The following RCAN1 variants were observed in gnomAD, a reference collection of about 807,000 sequenced individuals.
The protein encoded by RCAN1 is calcipressin-1.
RCAN1 carries 11 observed loss-of-function variants against 22.9 expected under a neutral mutation model. The observed-to-expected ratio is 0.48, with a 90% CI of 0.30 to 0.79. The LOEUF is 0.79. Among genes scored for constraint, RCAN1 ranks in the 30% least tolerant of loss-of-function variants. The pLI, the probability that RCAN1 is intolerant of heterozygous loss-of-function variation, is 0.06. For missense variants in RCAN1, 291 were observed against 337.8 expected (o/e 0.86, Z 1.09); for synonymous variants, 136 against 142.3 (o/e 0.96, Z 0.32).
At chr21:34,561,624 T>C (rs969005241) in intron 1 of RCAN1, among the ~76,000 whole-genome samples, 2 of 152,216 alleles carry the variant, frequency 1.3e-5, no homozygotes, top group African/African-American at 4.8e-5. Context: ...CTGCAAGAAC[T>C]AGCACTTTCT....
intron 1 of RCAN1, among the ~76,000 whole-genome samples, chr21:34,605,919 CAG>C (rs564933926): frequency 0.54 from 72,866 of 135,408 alleles, 20,147 homozygotes; most frequent in Admixed American, 0.61. Flanking sequence ...GACTCGGTCT[CAG>C]AAAAAAAAAA....
At chr21:34,525,360 G>A in intron 1 of RCAN1, 1 of 1,480,408 alleles carries the variant, frequency 6.8e-7, no homozygotes, top group African/African-American at 1.4e-5. Flanking sequence ...TCCCACGAGG[G>A]ATCCCGCAGA....
At chr21:34,601,968 A>T (rs1988368940) in intron 1 of RCAN1, among the ~76,000 whole-genome samples, 1 of 152,170 alleles carries the variant, frequency 6.6e-6, no homozygotes, top group South Asian at 2.1e-4. Flanking sequence ...CAGCAACAAA[A>T]CCTGCACCTA....
chr21:34,577,904 G>C (rs776728328), intron 1 of RCAN1, among the ~76,000 whole-genome samples: 1 of 152,208 alleles, frequency 6.6e-6, no homozygotes, highest in Non-Finnish European at 1.5e-5. Flanking sequence ...GAGGACAAAA[G>C]AGGGGCAGCA....
intron 1 of RCAN1, among the ~76,000 whole-genome samples, chr21:34,606,421 C>A (rs1988528473): frequency 1.3e-5 from 2 of 152,200 alleles, no homozygotes; most frequent in Admixed American, 1.3e-4. Flanking sequence ...GCCTGTGACA[C>A]TGACCCCGGC....
chr21:34,592,435 C>A (rs1020940393), intron 1 of RCAN1, among the ~76,000 whole-genome samples: 1 of 152,268 alleles, frequency 6.6e-6, no homozygotes, highest in Middle Eastern at 3.4e-3. Context: ...GGCTGCTGTT[C>A]TTCTGAACAT....
At position 34,614,734 on chromosome 21, in the gene RCAN1, G is replaced by C; in HGVS notation, c.252+26C>G. 1 of 1,401,490 alleles carries C rather than the reference G, an allele frequency of 7.1e-7. No individual in the cohort carries two copies. Among genetic ancestry groups the C allele is most frequent in the Non-Finnish European group, 9.3e-7 (1 of 1,071,028 alleles). 86.8% of individuals were successfully genotyped at this position (1,401,490 alleles called of 1,614,324 possible). A position where few individuals can be genotyped will look rare whatever the true frequency, so the allele number is the denominator to read the frequency against. On this transcript the variant is annotated intron_variant, in intron 1 of 3. Coordinates refer to ENST00000313806, the MANE Select transcript of RCAN1 (RefSeq NM_004414.7). The surrounding 1 kb of genome is among the most constrained non-coding windows in gnomAD (Gnocchi z 6.0). ...GCAACAAGTGTCCGCCCTCCGCCCC[G>C]ACGGCCCGCCCGGCGCGGTCCTCAC...
In RCAN1 at chr21:34,614,731, C is replaced by A; in HGVS notation, c.252+29G>T. The A allele has an allele frequency of 7.1e-7, 1 of 1,405,348 alleles. No homozygotes were observed. The highest frequency in any genetic ancestry group is 9.3e-7 in the Non-Finnish European group (1 of 1,073,684). 87.1% of individuals were successfully genotyped at this position (1,405,348 alleles called of 1,614,324 possible). A position where few individuals can be genotyped will look rare whatever the true frequency, so the allele number is the denominator to read the frequency against. ...CGGGCAACAAGTGTCCGCCCTCCGC[C>A]CCGACGGCCCGCCCGGCGCGGTCCT... On this transcript the variant is annotated intron_variant, in intron 1 of 3. Coordinates refer to ENST00000313806, the MANE Select transcript of RCAN1 (RefSeq NM_004414.7). This position sits in a 1 kb window ranked among gnomAD's most constrained non-coding sequence, Gnocchi z 6.0.
intron 1 of RCAN1, among the ~76,000 whole-genome samples, chr21:34,545,813 ACCCATGGAGAATAATGAC>A (rs986508611): frequency 2.0e-5 from 3 of 152,330 alleles, no homozygotes; most frequent in Admixed American, 2.0e-4. Flanking sequence ...TAGCGGTGCC[ACCCATGGAGAATAATGAC>A]CCCAGGCCCT....
chr21:34,521,044 T>C (rs1984478851), intron 3 of RCAN1: 4 of 1,166,254 alleles, frequency 3.4e-6, no homozygotes, highest in East Asian at 4.2e-5. Context: ...TCTCCTTCCC[T>C]TTTCCTTTAA....
At chr21:34,536,809 G>A (rs1419903544) in intron 1 of RCAN1, among the ~76,000 whole-genome samples, 9 of 152,178 alleles carry the variant, frequency 5.9e-5, no homozygotes, top group African/African-American at 1.9e-4. Context: ...GAATGGCTTC[G>A]CTAAAGATCG....
chr21:34,609,409 A>G (rs186636860), intron 1 of RCAN1, among the ~76,000 whole-genome samples: 160 of 152,242 alleles, frequency 1.1e-3, no homozygotes, highest in Non-Finnish European at 5.1e-4. Context: ...GGGTCTACCC[A>G]TCCCACACAT....
intron 1 of RCAN1, among the ~76,000 whole-genome samples, chr21:34,592,697 A>G (rs1056764395): frequency 1.3e-5 from 2 of 151,800 alleles, no homozygotes; most frequent in Non-Finnish European, 2.9e-5. Flanking sequence ...TCAAACGTGA[A>G]CAGAACCCAA....
intron 1 of RCAN1, among the ~76,000 whole-genome samples, chr21:34,569,378 G>A (rs938033242): frequency 4.6e-5 from 7 of 152,194 alleles, no homozygotes; most frequent in African/African-American, 1.7e-4. Context: ...AATCCTAAAA[G>A]ACTGGGCCTC....
At chr21:34,594,720 A>G (rs1988090749) in intron 1 of RCAN1, among the ~76,000 whole-genome samples, 1 of 152,236 alleles carries the variant, frequency 6.6e-6, no homozygotes, top group Non-Finnish European at 1.5e-5. Flanking sequence ...CCAGGTGCAC[A>G]GCAGAGATCA....
At chr21:34,521,737 C>T (rs1046605546) in intron 2 of RCAN1, 79 bp from the exon 3 acceptor site, 21 of 1,223,384 alleles carry the variant, frequency 1.7e-5, no homozygotes, top group Admixed American at 4.6e-5. Context: ...ACGCCAGTTC[C>T]GGGAGATGGG....
At position 34,590,769 on chromosome 21, in the gene RCAN1, A is replaced by T. The variant is rs115721961; in HGVS notation, c.252+23991T>A. Among the ~76,000 whole-genome samples the T allele has an allele frequency of 4.3e-3, 648 of 152,354 alleles. 4 individuals carry two copies. The highest frequency in any genetic ancestry group is 0.015 in the African/African-American group (616 of 41,582). ...GGCTTCAGGATGAGATTACAAGAGG[A>T]CTAGAAGACAGGCTTCCTATATCTG... On this transcript the variant is annotated intron_variant, in intron 1 of 3. Coordinates refer to ENST00000313806, the MANE Select transcript of RCAN1 (RefSeq NM_004414.7).
intron 1 of RCAN1, among the ~76,000 whole-genome samples, chr21:34,552,517 G>A (rs1986407466): frequency 1.3e-5 from 2 of 152,262 alleles, no homozygotes; most frequent in East Asian, 3.9e-4. Context: ...GAGAAACAGG[G>A]CAAACCTGGT....
At chr21:34,586,758 G>C (rs1276265338) in intron 1 of RCAN1, among the ~76,000 whole-genome samples, 4 of 152,156 alleles carry the variant, frequency 2.6e-5, no homozygotes, top group African/African-American at 9.7e-5. Context: ...TTCATGACCA[G>C]CCTGGCCAAC....
Sources: gnomAD v4.1 joint callset for allele counts (sites outside exome capture counted in the v4.1 genomes callset) on GRCh38, gnomAD v4.1.1 for gene constraint, Gnocchi (gnomAD v3.1) non-coding constraint, MANE v1.5 for transcripts, NCBI Gene and HGNC (gene_info 2026-07-23, HGNC 2026-07-21) for gene names.